TRIO: variants seen among roughly 807,000 people sequenced by gnomAD.
TRIO encodes trio Rho guanine nucleotide exchange factor, also known as triple functional domain protein.
A neutral mutation model predicts 351.9 loss-of-function variants in TRIO; 58 were observed. The observed-to-expected ratio is 0.16, with a 90% CI of 0.13 to 0.21. TRIO has a LOEUF of 0.21. Ranked by LOEUF, TRIO falls within the 10% of genes least tolerant of loss-of-function variation. TRIO has a pLI of 1.00. For synonymous variants in TRIO, 1,758 were observed against 1,595.7 expected (o/e 1.10, Z -2.42); for missense variants, 3,201 against 4,027.8 (o/e 0.79, Z 5.56).
chr5:14,294,145 C>CA (rs1581550415), intron 6 of TRIO, among the ~76,000 whole-genome samples: 1 of 152,214 alleles, frequency 6.6e-6, no homozygotes, highest in Non-Finnish European at 1.5e-5. Flanking sequence ...ATGATCACGC[C>CA]ACTGCATTCC....
At chr5:14,152,785 C>T (rs573801321) in intron 1 of TRIO, among the ~76,000 whole-genome samples, 3 of 152,330 alleles carry the variant, frequency 2.0e-5, no homozygotes, top group Non-Finnish European at 4.4e-5. Context: ...TCAGGCTGTA[C>T]CTTTTACTCA....
chr5:14,451,768 T>G (rs560536863), intron 34 of TRIO, among the ~76,000 whole-genome samples: 1 of 152,290 alleles, frequency 6.6e-6, no homozygotes, highest in Non-Finnish European at 1.5e-5. Context: ...CTTTAAATCC[T>G]TACAACTAGA....
intron 21 of TRIO, among the ~76,000 whole-genome samples, chr5:14,383,579 A>G (rs971354423): frequency 2.0e-5 from 3 of 152,238 alleles, no homozygotes; most frequent in Non-Finnish European, 2.9e-5. Context: ...AGAAATGTCT[A>G]AAATTGTGAG....
chr5:14,153,372 A>G (rs1787941723), intron 1 of TRIO, among the ~76,000 whole-genome samples: 1 of 152,248 alleles, frequency 6.6e-6, no homozygotes. Flanking sequence ...ACATCTGCAA[A>G]GTAGTAACCT....
In TRIO at chr5:14,497,179, A is replaced by T. The variant is rs1756957744; in HGVS notation, c.8019+162A>T. Among the ~76,000 whole-genome samples the T allele has an allele frequency of 6.6e-6, 1 of 152,140 alleles. No homozygotes were observed. The highest frequency in any genetic ancestry group is 2.4e-5 in the African/African-American group (1 of 41,428). ...CCTGTAGGGTCTTGTTAGGGGCACT[A>T]TGCTGGCCAGCACAGGGATGGGTGC... is the stretch of plus-strand genomic sequence containing the variant. On this transcript the variant is annotated intron_variant, in intron 50 of 56. Transcript: ENST00000344204. The surrounding 1 kb of genome is among the most constrained non-coding windows in gnomAD (Gnocchi z 4.4).
At chr5:14,368,249 T>G (rs1744771598) in intron 16 of TRIO, among the ~76,000 whole-genome samples, 1 of 152,384 alleles carries the variant, frequency 6.6e-6, no homozygotes, top group Admixed American at 6.5e-5. Flanking sequence ...TCAATAGTTC[T>G]TGAAAACTTT....
At chr5:14,396,577 C>G (rs977963711) in intron 28 of TRIO, among the ~76,000 whole-genome samples, 1 of 144,148 alleles carries the variant, frequency 6.9e-6, no homozygotes. Flanking sequence ...TCATGTGATT[C>G]TCCTCCCTCA....
chr5:14,502,709 C>T (rs1757383609), intron 54 of TRIO, 52 bp downstream of exon 54: 2 of 1,557,084 alleles, frequency 1.3e-6, no homozygotes, highest in African/African-American at 1.4e-5. Context: ...GTGGGGAAGA[C>T]ATACCAGAGA....
chr5:14,195,858 C>A (rs1790738930), intron 1 of TRIO, among the ~76,000 whole-genome samples: 1 of 152,048 alleles, frequency 6.6e-6, no homozygotes, highest in Admixed American at 6.6e-5. Context: ...TTTCCAAGCC[C>A]TTGCTTATTT....
At chr5:14,263,237 G>C (rs1351305054) in intron 1 of TRIO, among the ~76,000 whole-genome samples, 1 of 152,120 alleles carries the variant, frequency 6.6e-6, no homozygotes, top group African/African-American at 2.4e-5. Flanking sequence ...AAAGGCTCTA[G>C]ATTACACTTT....
chr5:14,341,964 A>G (rs1288630057), intron 11 of TRIO, among the ~76,000 whole-genome samples: 1 of 152,226 alleles, frequency 6.6e-6, no homozygotes, highest in Non-Finnish European at 1.5e-5. Context: ...GGAACCTTTC[A>G]TTTTATTCAG....
In TRIO at chr5:14,358,225, G is replaced by T. The variant is rs749661480; in HGVS notation, c.2094G>T (p.Val698=). 6.2e-7 allele frequency: 1 copy of T among 1,614,156 alleles called. No homozygotes were observed. Among genetic ancestry groups the T allele is most frequent in the South Asian group, 1.1e-5 (1 of 91,076 alleles). Reference sequence around the variant, plus strand: ...TGCAGAAGGAGCTGCTGGACGACGTGTATGCCGAGTCGGTGGAGGCCGTGC... The same window carrying T: ...TGCAGAAGGAGCTGCTGGACGACGTTTATGCCGAGTCGGTGGAGGCCGTGC... ...EELQKELLDD[V]YAESVEAVQD... Residue 698 remains valine, a synonymous_variant, in exon 12 of 57, where the codon GTG becomes GTT. Coordinates refer to ENST00000344204, the MANE Select transcript of TRIO (RefSeq NM_007118.4).
chr5:14,237,279 C>T (rs915264082), intron 1 of TRIO, among the ~76,000 whole-genome samples: 3 of 152,150 alleles, frequency 2.0e-5, no homozygotes, highest in Admixed American at 6.5e-5. Flanking sequence ...AGTGTCCTGT[C>T]GGCACTCAAA....
At chr5:14,473,934 G>A in intron 39 of TRIO, 60 bp from the exon 40 acceptor site, 6 of 1,525,132 alleles carry the variant, frequency 3.9e-6, no homozygotes, top group Non-Finnish European at 5.4e-6. Flanking sequence ...TAATCAATAA[G>A]CCACTAGTTG....
At chr5:14,281,359 A>G (rs1735977190) in intron 3 of TRIO, among the ~76,000 whole-genome samples, 1 of 151,812 alleles carries the variant, frequency 6.6e-6, no homozygotes, top group Non-Finnish European at 1.5e-5. Context: ...ACACTTTTAA[A>G]CAACCAGATC....
intron 20 of TRIO, among the ~76,000 whole-genome samples, chr5:14,380,095 T>TC (rs1445245976): frequency 6.6e-6 from 1 of 152,202 alleles, no homozygotes; most frequent in Non-Finnish European, 1.5e-5. Context: ...AGCCCAGGCC[T>TC]CCATTTCTGG....
chr5:14,446,296 C>T (rs536478306), intron 34 of TRIO, among the ~76,000 whole-genome samples: 2 of 152,278 alleles, frequency 1.3e-5, no homozygotes, highest in South Asian at 2.1e-4. Context: ...ACTGGAGAGA[C>T]AGCGTTTGAA....
intron 34 of TRIO, among the ~76,000 whole-genome samples, chr5:14,430,631 C>T (rs963642829): frequency 2.0e-5 from 3 of 152,158 alleles, no homozygotes; most frequent in African/African-American, 7.2e-5. Flanking sequence ...GTATAATCTC[C>T]GCTCTTTCTG....
chr5:14,205,755 CAG>C (rs1791419736), intron 1 of TRIO, among the ~76,000 whole-genome samples: 1 of 152,216 alleles, frequency 6.6e-6, no homozygotes, highest in South Asian at 2.1e-4. Flanking sequence ...TATTTAGAGA[CAG>C]AGTCTCATGC....
Sources: allele counts gnomAD v4.1 joint callset (sites outside exome capture counted in the v4.1 genomes callset), GRCh38; gene constraint gnomAD v4.1.1; non-coding constraint Gnocchi (gnomAD v3.1); transcripts MANE v1.5; gene names NCBI Gene and HGNC (gene_info 2026-07-23, HGNC 2026-07-21).